The following KANSL1 variants were observed in gnomAD, a reference collection of about 807,000 sequenced individuals.
KANSL1 encodes MLL1/MLL complex subunit KANSL1.
KANSL1 carries 22 observed loss-of-function variants against 103.6 expected under a neutral mutation model. That is an observed-to-expected ratio of 0.21 (90% confidence interval 0.15 to 0.30). The LOEUF (loss-of-function observed/expected upper bound fraction) is 0.30, where lower values mean the gene tolerates loss of function less well. Among genes scored for constraint, KANSL1 ranks in the 10% least tolerant of loss-of-function variants. The pLI, the probability that KANSL1 is intolerant of heterozygous loss-of-function variation, is 1.00. For missense variants in KANSL1, 1,337 were observed against 1,399.8 expected (o/e 0.96, Z 0.72); for synonymous variants, 600 against 527.6 (o/e 1.14, Z -1.88).
intron 1 of KANSL1, among the ~76,000 whole-genome samples, chr17:46,213,916 T>TAA (rs77233059): frequency 0.11 from 16,100 of 142,244 alleles, no homozygotes; most frequent in Non-Finnish European, 0.17. Context: ...AGACTCCATT[T>TAA]AAAAAAAAAA....
At chr17:46,110,895 G>A (rs1158073271) in intron 2 of KANSL1, among the ~76,000 whole-genome samples, 1 of 152,232 alleles carries the variant, frequency 6.6e-6, no homozygotes, top group African/African-American at 2.4e-5. Context: ...ATACAAAGCA[G>A]TAGTAATAGG....
At chr17:46,145,883 G>T (rs966548011) in intron 2 of KANSL1, among the ~76,000 whole-genome samples, 1 of 152,112 alleles carries the variant, frequency 6.6e-6, no homozygotes, top group Non-Finnish European at 1.5e-5. Flanking sequence ...CGTCGACCAT[G>T]ACACTCAGCT....
intron 7 of KANSL1, among the ~76,000 whole-genome samples, chr17:46,046,840 TA>T (rs36102082): frequency 0.55 from 65,853 of 118,754 alleles, 16,691 homozygotes; most frequent in South Asian, 0.7. Flanking sequence ...GTCTCAAAAG[TA>T]AAAAAAAAAA....
chr17:46,048,779 T>C (rs1383200428), intron 7 of KANSL1, among the ~76,000 whole-genome samples: 2 of 152,246 alleles, frequency 1.3e-5, no homozygotes, highest in Non-Finnish European at 2.9e-5. Flanking sequence ...AAATCATAAT[T>C]TCAGATAGTT....
chr17:46,082,605 G>A, intron 3 of KANSL1, 63 bp from the exon 4 acceptor site: 1 of 940,442 alleles, frequency 1.1e-6, no homozygotes, highest in East Asian at 2.5e-5. Flanking sequence ...TTTAATTTAG[G>A]AGTTAAGTCT....
chr17:46,105,812 A>G (rs2042509901), intron 2 of KANSL1, among the ~76,000 whole-genome samples: 1 of 151,346 alleles, frequency 6.6e-6, no homozygotes, highest in African/African-American at 2.4e-5. Flanking sequence ...TCAAGGCTGC[A>G]GTGAGTCGAG....
chr17:46,057,662 AAAAC>A, intron 6 of KANSL1, among the ~76,000 whole-genome samples: 1 of 152,302 alleles, frequency 6.6e-6, no homozygotes, highest in African/African-American at 2.4e-5. Context: ...GTTTTCAAGA[AAAAC>A]AAGGGACAGA....
At chr17:46,161,344 GA>G (rs2045731345) in intron 2 of KANSL1, among the ~76,000 whole-genome samples, 1 of 151,900 alleles carries the variant, frequency 6.6e-6, no homozygotes, top group Non-Finnish European at 1.5e-5. Context: ...GCTGAGGCAG[GA>G]GAATGGCGTG....
intron 6 of KANSL1, among the ~76,000 whole-genome samples, chr17:46,055,637 T>C (rs1210577349): frequency 2.0e-5 from 3 of 152,020 alleles, no homozygotes; most frequent in African/African-American, 7.3e-5. Context: ...GCAAAGGGGA[T>C]TTAAACAAAT....
In KANSL1 at chr17:46,134,517, T is replaced by G. The variant is rs555113519; in HGVS notation, c.1289+36338A>C. ...ATAGAGCTGACCTGAAAATATAAAT[T>G]ACGAACTATTGTTATATGAATGTTA... is the stretch of plus-strand genomic sequence containing the variant. On this transcript the variant is annotated intron_variant, in intron 2 of 14. Transcript: ENST00000432791. Among the ~76,000 whole-genome samples, 13 of 151,972 alleles carry G rather than the reference T, an allele frequency of 8.6e-5. No individual in the cohort carries two copies. The South Asian group carries it at 1.9e-3, about 22-fold the overall frequency.
intron 2 of KANSL1, among the ~76,000 whole-genome samples, chr17:46,137,950 T>C (rs546776939): frequency 7.2e-5 from 11 of 152,158 alleles, no homozygotes; most frequent in Non-Finnish European, 1.0e-4. Context: ...GTCTGCACTA[T>C]GTAGTGTGTT....
intron 2 of KANSL1, among the ~76,000 whole-genome samples, chr17:46,155,647 A>G (rs889609823): frequency 1.3e-5 from 2 of 152,226 alleles, no homozygotes; most frequent in African/African-American, 4.8e-5. Context: ...TTAGTCCCAA[A>G]AGGTTAATGG....
chr17:46,100,444 C>CAAAAAAAAAAAAAAAA (rs369274727), intron 2 of KANSL1, among the ~76,000 whole-genome samples: 2 of 88,262 alleles, frequency 2.3e-5, no homozygotes, highest in Non-Finnish European at 2.4e-5. Context: ...TCCCTCTCCC[C>CAAAAAAAAAAAAAAAA]AAAAAAAAAA....
At chr17:46,121,912 A>G (rs770215354) in intron 2 of KANSL1, among the ~76,000 whole-genome samples, 2 of 152,204 alleles carry the variant, frequency 1.3e-5, no homozygotes, top group Non-Finnish European at 2.9e-5. Context: ...GAACACATAC[A>G]TTATCCTACA....
chr17:46,213,051 G>C (rs1453125758), intron 1 of KANSL1, among the ~76,000 whole-genome samples: 1 of 152,286 alleles, frequency 6.6e-6, no homozygotes, highest in East Asian at 1.9e-4. Flanking sequence ...AACCAGCTGA[G>C]ATGGAATCAT....
At chr17:46,185,692 T>TACACAC (rs58833932) in intron 1 of KANSL1, among the ~76,000 whole-genome samples, 3,544 of 144,246 alleles carry the variant, frequency 0.025, 52 homozygotes, top group South Asian at 0.045. Flanking sequence ...CACACATATA[T>TACACAC]ACACACACAC....
At chr17:46,191,516 T>C (rs1408278503) in intron 1 of KANSL1, among the ~76,000 whole-genome samples, 2 of 152,228 alleles carry the variant, frequency 1.3e-5, no homozygotes, top group Non-Finnish European at 2.9e-5. Context: ...TCCTGACAAA[T>C]GGAAAACATA....
intron 4 of KANSL1, 46 bp from the exon 5 acceptor site, chr17:46,067,713 A>G (rs981314220): frequency 6.2e-6 from 6 of 972,884 alleles, no homozygotes; most frequent in African/African-American, 3.2e-5. Flanking sequence ...ACCCAAGCGC[A>G]CCCCTGCCTG....
chr17:46,178,184 A>G (rs55891434), intron 1 of KANSL1, among the ~76,000 whole-genome samples: 17,188 of 150,248 alleles, frequency 0.11, 1 homozygote, highest in Non-Finnish European at 0.17. Flanking sequence ...TAAAGCAGGG[A>G]AAGACTGTCA....
Sources: allele counts gnomAD v4.1 joint callset (sites outside exome capture counted in the v4.1 genomes callset), GRCh38; gene constraint gnomAD v4.1.1; transcripts MANE v1.5; gene names NCBI Gene and HGNC (gene_info 2026-07-23, HGNC 2026-07-21).